The following C12orf42 variants were observed in gnomAD, a reference collection of about 807,000 sequenced individuals.
The protein encoded by C12orf42 is chromosome 12 open reading frame 42.
C12orf42 carries 25 observed loss-of-function variants against 21.6 expected under a neutral mutation model. The observed-to-expected ratio is 1.16, with a 90% CI of 0.84 to 1.62. The LOEUF (loss-of-function observed/expected upper bound fraction) is 1.62. C12orf42 is among the 40% of genes most tolerant of loss of function. The pLI, the probability that C12orf42 is intolerant of heterozygous loss-of-function variation, is 0.00. For missense variants in C12orf42, 483 were observed against 459.3 expected (o/e 1.05, Z -0.47); for synonymous variants, 174 against 175.0 (o/e 0.99, Z 0.05).
At chr12:103,325,176 T>C (rs961127987) in intron 4 of C12orf42, among the ~76,000 whole-genome samples, 3 of 152,170 alleles carry the variant, frequency 2.0e-5, no homozygotes, top group Non-Finnish European at 2.9e-5. Flanking sequence ...TTTGGGGACA[T>C]AGAAGAACTG....
the C12orf42 span, among the ~76,000 whole-genome samples, chr12:103,058,127 T>C: frequency 6.6e-6 from 1 of 152,064 alleles, no homozygotes; most frequent in Non-Finnish European, 1.5e-5. Context: ...AGCTAATTTT[T>C]GTATTTTTAG....
At chr12:103,560,494 G>T in the C12orf42 span, among the ~76,000 whole-genome samples, 4 of 71,960 alleles carry the variant, frequency 5.6e-5, no homozygotes, top group East Asian at 1.5e-3. Context: ...ATAATGTAAG[G>T]ATCCCTGGAT....
chr12:103,205,899 C>G, the C12orf42 span, among the ~76,000 whole-genome samples: 1 of 152,208 alleles, frequency 6.6e-6, no homozygotes, highest in South Asian at 2.1e-4. Context: ...TGTAAGCGTT[C>G]AAATTAAAAA....
chr12:103,440,427 AAAAT>A (rs1246315087), intron 2 of C12orf42, among the ~76,000 whole-genome samples: 1 of 146,280 alleles, frequency 6.8e-6, no homozygotes, highest in African/African-American at 2.5e-5. Context: ...AAAATAAAAT[AAAAT>A]AAATAAATAA....
At chr12:103,073,111 CA>C in the C12orf42 span, among the ~76,000 whole-genome samples, 1 of 152,058 alleles carries the variant, frequency 6.6e-6, no homozygotes, top group Non-Finnish European at 1.5e-5. Context: ...TCTCACATAA[CA>C]GGGACCTAAA....
intron 3 of C12orf42, among the ~76,000 whole-genome samples, chr12:103,393,710 GC>G (rs1335241678): frequency 6.6e-6 from 1 of 152,078 alleles, no homozygotes; most frequent in East Asian, 1.9e-4. Flanking sequence ...CTTAATTAAT[GC>G]CTAGTATATA....
At chr12:103,283,482 A>G (rs188450234) in intron 4 of C12orf42, among the ~76,000 whole-genome samples, 1 of 152,282 alleles carries the variant, frequency 6.6e-6, no homozygotes, top group East Asian at 1.9e-4. Flanking sequence ...GTGTCAAGGC[A>G]CTTGGGGTCT....
chr12:103,221,735 A>G, the C12orf42 span, among the ~76,000 whole-genome samples: 2 of 152,214 alleles, frequency 1.3e-5, no homozygotes, highest in East Asian at 3.8e-4. Context: ...CCCATCCTTC[A>G]GTAAGCCTTT....
the C12orf42 span, among the ~76,000 whole-genome samples, chr12:103,193,136 A>C: frequency 1.3e-5 from 2 of 152,182 alleles, no homozygotes; most frequent in African/African-American, 4.8e-5. Flanking sequence ...CACATTCATC[A>C]ATAACCAATG....
chr12:103,435,413 T>C (rs374063158), intron 2 of C12orf42, among the ~76,000 whole-genome samples: 5 of 152,140 alleles, frequency 3.3e-5, no homozygotes, highest in African/African-American at 4.8e-5. Flanking sequence ...ATGACTTTGA[T>C]GAGCTGAGAG....
chr12:103,250,295 C>T (rs77443034), intron 10 of C12orf42, among the ~76,000 whole-genome samples: 15,627 of 151,986 alleles, frequency 0.1, 879 homozygotes, highest in East Asian at 0.21. Flanking sequence ...CTCAGTTTTT[C>T]TCTCTTCCAT....
chr12:103,269,733 G>A (rs929194288), intron 6 of C12orf42: 4 of 152,136 alleles, frequency 2.6e-5, no homozygotes, highest in African/African-American at 9.7e-5. Flanking sequence ...ATGCTCTAGT[G>A]GAGAGGGACA....
At chr12:103,467,351 T>C (rs956153101) in intron 2 of C12orf42, among the ~76,000 whole-genome samples, 4 of 152,148 alleles carry the variant, frequency 2.6e-5, no homozygotes, top group East Asian at 3.9e-4. Context: ...GGGAGAAAGG[T>C]ATTTGCTCCA....
At chr12:103,541,349 C>A in the C12orf42 span, among the ~76,000 whole-genome samples, 50 of 152,134 alleles carry the variant, frequency 3.3e-4, no homozygotes, top group African/African-American at 1.2e-3. Context: ...TTATGCTCCC[C>A]ATAATGACAT....
intron 2 of C12orf42, among the ~76,000 whole-genome samples, chr12:103,437,341 A>G (rs1371802444): frequency 2.0e-5 from 3 of 152,164 alleles, no homozygotes; most frequent in Non-Finnish European, 4.4e-5. Context: ...CACAATTAAA[A>G]GAACTAAAAA....
chr12:103,524,397 A>G, the C12orf42 span, among the ~76,000 whole-genome samples: 1 of 152,180 alleles, frequency 6.6e-6, no homozygotes, highest in East Asian at 1.9e-4. Context: ...TGGCAAAAAA[A>G]AGGGCCTGGT....
chr12:103,097,238 G>A, the C12orf42 span, among the ~76,000 whole-genome samples: 10 of 152,270 alleles, frequency 6.6e-5, no homozygotes, highest in East Asian at 1.9e-3. Flanking sequence ...ATTAAAAATT[G>A]ATTGTGTTGA....
intron 4 of C12orf42, among the ~76,000 whole-genome samples, chr12:103,324,478 G>T (rs117551902): frequency 0.019 from 2,863 of 152,268 alleles, 41 homozygotes; most frequent in Non-Finnish European, 0.03. Context: ...TGTGAACTGA[G>T]TCCTGAACCC....
the C12orf42 span, among the ~76,000 whole-genome samples, chr12:103,121,562 A>C: frequency 6.6e-6 from 1 of 152,188 alleles, no homozygotes; most frequent in Non-Finnish European, 1.5e-5. Context: ...GAAGAGAGAG[A>C]GCTTCATTAC....
Sources: gnomAD v4.1 joint callset for allele counts (sites outside exome capture counted in the v4.1 genomes callset) on GRCh38, gnomAD v4.1.1 for gene constraint, MANE v1.5 for transcripts, NCBI Gene and HGNC (gene_info 2026-07-23, HGNC 2026-07-21) for gene names.